Variants in BABAM2 observed in about 807,000 individuals in gnomAD.
BABAM2 encodes BRISC and BRCA1-A complex member 2.
BABAM2 carries 31 observed loss-of-function variants against 54.7 expected under a neutral mutation model. That is an observed-to-expected ratio of 0.57 (90% confidence interval 0.43 to 0.77). The LOEUF is 0.77. Ranked by LOEUF, BABAM2 falls within the 30% of genes least tolerant of loss-of-function variation. BABAM2 has a pLI of 0.00. For missense variants in BABAM2, 364 were observed against 455.8 expected (o/e 0.80, Z 1.83); for synonymous variants, 167 against 162.9 (o/e 1.03, Z -0.19).
intron 7 of BABAM2, among the ~76,000 whole-genome samples, chr2:28,161,253 G>C (rs544759712): frequency 6.6e-6 from 1 of 152,278 alleles, no homozygotes; most frequent in East Asian, 1.9e-4. Flanking sequence ...GCACATTCTT[G>C]TTTTGAGTTG....
chr2:28,242,828 C>T (rs994604696), intron 9 of BABAM2, among the ~76,000 whole-genome samples: 5 of 152,164 alleles, frequency 3.3e-5, no homozygotes, highest in Admixed American at 6.5e-5. Flanking sequence ...GACTGCCTCT[C>T]ACATGAGTCT....
At chr2:28,296,099 C>T (rs753769637) in intron 10 of BABAM2, among the ~76,000 whole-genome samples, 1 of 151,914 alleles carries the variant, frequency 6.6e-6, no homozygotes, top group Non-Finnish European at 1.5e-5. Flanking sequence ...GGCGACAGAG[C>T]GAGACCCTGT....
intron 11 of BABAM2, among the ~76,000 whole-genome samples, chr2:28,328,941 C>A (rs899396027): frequency 1.3e-5 from 2 of 152,148 alleles, no homozygotes; most frequent in African/African-American, 4.8e-5. Context: ...GTTTGTCAGA[C>A]GTCTATTTTA....
rs530542702 is a variant in BABAM2, at chr2:27,901,311, T to C, written c.128+6627T>C. Among the ~76,000 whole-genome samples, 8 of 152,312 alleles carry C rather than the reference T, an allele frequency of 5.3e-5. No homozygotes were observed. In the South Asian group the frequency reaches 1.7e-3, roughly 32 times the overall value. The stretch of plus-strand genomic sequence containing the variant: ...GTGTCTGTTCAGCATTCTGGAATGA[T>C]GCCTGGCAAATACAACAGTGAGGAA... On this transcript the variant is annotated intron_variant, in intron 2 of 11. Transcript: ENST00000379624.
At chr2:28,128,300 T>C (rs1669748512) in intron 6 of BABAM2, among the ~76,000 whole-genome samples, 1 of 152,230 alleles carries the variant, frequency 6.6e-6, no homozygotes, top group Admixed American at 6.5e-5. Context: ...AAAATTTTTA[T>C]ATTTGACTTG....
rs1274073206 is a variant in BABAM2 at position 27,894,608 on chromosome 2, A to G, written c.52A>G (p.Ile18Val). 1.9e-6 allele frequency: 3 copies of G among 1,613,974 alleles called. No individual in the cohort carries two copies. Among genetic ancestry groups the G allele is most frequent in the Non-Finnish European group, 2.5e-6 (3 of 1,179,886 alleles). The stretch of plus-strand genomic sequence containing the variant: ...AATATCTCCAATGCTCTCCCCTTTC[A>G]TATCTAGCGTGGTCCGGAATGGAAA... ...NRISPMLSPFISSVVRNGKVG... is the reference protein window; with the variant it reads ...NRISPMLSPFVSSVVRNGKVG... Residue 18 changes from isoleucine (I) to valine (V), a missense_variant, in exon 2 of 12, where the codon ATA becomes GTA. Coordinates refer to ENST00000379624, the MANE Select transcript of BABAM2 (RefSeq NM_199191.3).
At chr2:28,280,706 G>A (rs1225926132) in intron 10 of BABAM2, among the ~76,000 whole-genome samples, 1 of 152,188 alleles carries the variant, frequency 6.6e-6, no homozygotes, top group Non-Finnish European at 1.5e-5. Context: ...TCTTCTATGA[G>A]CTAAGGTTTT....
At chr2:28,235,270 G>A (rs1225471122) in intron 7 of BABAM2, among the ~76,000 whole-genome samples, 2 of 152,140 alleles carry the variant, frequency 1.3e-5, no homozygotes, top group East Asian at 1.9e-4. Flanking sequence ...CTACCTCCTT[G>A]GGTGCAAGCA....
intron 4 of BABAM2, among the ~76,000 whole-genome samples, chr2:27,989,940 A>AC (rs1376075142): frequency 2.0e-5 from 3 of 152,162 alleles, no homozygotes; most frequent in Non-Finnish European, 4.4e-5. Flanking sequence ...GAGGAAATTG[A>AC]CCTAGATTTA....
intron 7 of BABAM2, among the ~76,000 whole-genome samples, chr2:28,131,652 A>G (rs1363306998): frequency 6.6e-6 from 1 of 152,212 alleles, no homozygotes; most frequent in Admixed American, 6.5e-5. Context: ...GCCTGGCACT[A>G]CAGTAAACAC....
chr2:28,180,250 T>C (rs1171896893), intron 7 of BABAM2, among the ~76,000 whole-genome samples: 2 of 152,018 alleles, frequency 1.3e-5, no homozygotes, highest in Non-Finnish European at 2.9e-5. Context: ...AACAGCATGA[T>C]ACTGGTATGA....
Position 27,960,756 on chromosome 2 carries a change from G to C in BABAM2, c.206-27237G>C, listed in dbSNP as rs931030833. 2.6e-5 allele frequency among the ~76,000 whole-genome samples: 4 copies of C among 152,158 alleles called. No homozygotes were observed. The East Asian group carries it at 7.7e-4, about 29-fold the overall frequency. On this transcript the variant is annotated intron_variant, in intron 3 of 11. Transcript: ENST00000379624. ...CTGAGGTCAAATAACTGGGAGATCA[G>C]GGACCTGGAACTCAAGTCCAGGACT...
At chr2:27,894,792 C>T (rs1463418276) in intron 2 of BABAM2, 108 bp downstream of exon 2, 2 of 1,305,492 alleles carry the variant, frequency 1.5e-6, no homozygotes, top group African/African-American at 1.5e-5. Context: ...CAGAAACCCA[C>T]CAAGTCATCA....
At chr2:28,083,813 G>GTATC (rs1450798406) in intron 6 of BABAM2, among the ~76,000 whole-genome samples, 1 of 152,076 alleles carries the variant, frequency 6.6e-6, no homozygotes, top group East Asian at 1.9e-4. Flanking sequence ...CTTTACTTGT[G>GTATC]TATCTATATA....
At chr2:28,081,092 T>A (rs976019829) in intron 6 of BABAM2, among the ~76,000 whole-genome samples, 2 of 152,174 alleles carry the variant, frequency 1.3e-5, no homozygotes, top group Non-Finnish European at 2.9e-5. Flanking sequence ...GAAGCAATAA[T>A]GAGCCTACAA....
At chr2:27,926,610 T>C (rs1485798262) in intron 2 of BABAM2, among the ~76,000 whole-genome samples, 1 of 152,236 alleles carries the variant, frequency 6.6e-6, no homozygotes, top group Non-Finnish European at 1.5e-5. Context: ...AAACCATCTT[T>C]ATGTGTTTGT....
At chr2:27,917,534 G>A (rs1305856612) in intron 2 of BABAM2, among the ~76,000 whole-genome samples, 3 of 152,068 alleles carry the variant, frequency 2.0e-5, no homozygotes, top group Non-Finnish European at 4.4e-5. Context: ...AAGGGAAAAG[G>A]GGCAGACGAG....
At chr2:28,133,689 C>G (rs1484802926) in intron 7 of BABAM2, among the ~76,000 whole-genome samples, 3 of 152,206 alleles carry the variant, frequency 2.0e-5, no homozygotes, top group Non-Finnish European at 4.4e-5. Flanking sequence ...AGATATTATA[C>G]TCACGTTAAC....
Position 28,151,577 on chromosome 2 carries a change from A to G in BABAM2, c.680+22197A>G, listed in dbSNP as rs528339736. Among the ~76,000 whole-genome samples the G allele has an allele frequency of 3.3e-5, 5 of 152,240 alleles. No homozygotes were observed. The South Asian group carries it at 1.0e-3, about 32-fold the overall frequency. ...GCGACAAGAGCAAAACTCCATCTCA[A>G]AAAAAAGAAAAGAAAAGAAAAGAAA... On this transcript the variant is annotated intron_variant, in intron 7 of 11. Coordinates refer to ENST00000379624, the MANE Select transcript of BABAM2 (RefSeq NM_199191.3).
Sources: gnomAD v4.1 joint callset for allele counts (sites outside exome capture counted in the v4.1 genomes callset) on GRCh38, gnomAD v4.1.1 for gene constraint, MANE v1.5 for transcripts, NCBI Gene and HGNC (gene_info 2026-07-23, HGNC 2026-07-21) for gene names.